The following PEX5L variants were observed in gnomAD, a reference collection of about 807,000 sequenced individuals.
PEX5L encodes peroxisomal biogenesis factor 5 like, also known as PEX5-related protein.
In PEX5L, 30 loss-of-function variants were observed where a neutral mutation model predicts 84.0. That is an observed-to-expected ratio of 0.36 (90% confidence interval 0.27 to 0.48). PEX5L has a LOEUF of 0.48. PEX5L is among the 20% of genes least tolerant of loss of function. The pLI is 0.99. For synonymous variants in PEX5L, 270 were observed against 283.1 expected (o/e 0.95, Z 0.46); for missense variants, 533 against 754.6 (o/e 0.71, Z 3.44).
chr3:179,945,353 T>A (rs1777224730), intron 2 of PEX5L, among the ~76,000 whole-genome samples: 1 of 152,184 alleles, frequency 6.6e-6, no homozygotes. Context: ...TTTGGAACAG[T>A]CATTAAGAGC....
chr3:179,821,305 CTT>C (rs1190747394), intron 8 of PEX5L, among the ~76,000 whole-genome samples: 1 of 152,164 alleles, frequency 6.6e-6, no homozygotes. Flanking sequence ...AATTCATACT[CTT>C]TACAAATTGC....
intron 2 of PEX5L, among the ~76,000 whole-genome samples, chr3:179,925,663 TACATA>T (rs1771226241): frequency 6.6e-6 from 1 of 152,254 alleles, no homozygotes; most frequent in Non-Finnish European, 1.5e-5. Flanking sequence ...TGAATAGTGC[TACATA>T]TTATGAAGGA....
intron 1 of PEX5L, among the ~76,000 whole-genome samples, chr3:180,017,244 C>T (rs112752209): frequency 2.3e-4 from 35 of 152,220 alleles, no homozygotes; most frequent in African/African-American, 7.5e-4. Flanking sequence ...CATCCCCAGA[C>T]GGAAATATCT....
intron 7 of PEX5L, among the ~76,000 whole-genome samples, 183 bp downstream of exon 7, chr3:179,874,144 T>TAC (rs1232911031): frequency 2.6e-5 from 4 of 151,806 alleles, no homozygotes; most frequent in Non-Finnish European, 5.9e-5. Context: ...TATATATATA[T>TAC]ATATACACAC....
chr3:179,914,173 A>G (rs1301006529), intron 2 of PEX5L, among the ~76,000 whole-genome samples: 1 of 152,218 alleles, frequency 6.6e-6, no homozygotes, highest in Non-Finnish European at 1.5e-5. Context: ...AGTTCCACAG[A>G]GGATAGTCCA....
intron 2 of PEX5L, among the ~76,000 whole-genome samples, chr3:179,954,197 C>A (rs1315367723): frequency 1.5e-5 from 1 of 66,470 alleles, no homozygotes; most frequent in Non-Finnish European, 2.8e-5. Flanking sequence ...AGAAATTAAC[C>A]ATTAGTCGGG....
At chr3:180,033,021 G>A (rs1446958644) in intron 1 of PEX5L, among the ~76,000 whole-genome samples, 1 of 152,122 alleles carries the variant, frequency 6.6e-6, no homozygotes, top group African/African-American at 2.4e-5. Context: ...CCTTCAATTG[G>A]TTTCTTATGT....
chr3:179,901,811 G>T (rs993956503), intron 2 of PEX5L: 1 of 152,138 alleles, frequency 6.6e-6, no homozygotes, highest in Non-Finnish European at 1.5e-5. Flanking sequence ...CTTTTTATTA[G>T]GTTCTATTAT....
intron 1 of PEX5L, among the ~76,000 whole-genome samples, chr3:179,991,518 C>T (rs573917075): frequency 1.6e-4 from 25 of 152,004 alleles, no homozygotes; most frequent in African/African-American, 5.5e-4. Flanking sequence ...TTTTTTTCCC[C>T]CTCTACTCAT....
chr3:179,872,526 A>G lies in PEX5L; in HGVS notation c.726+1801T>C, dbSNP rs188965682. ...TTGGAGACAATATAGAAAATTTTCT[A>G]AAGTATTTTGTCTTTGTTTAAAGTA... On this transcript the variant is annotated intron_variant, in intron 7 of 14. Transcript: ENST00000467460. Among the ~76,000 whole-genome samples the G allele has an allele frequency of 5.9e-5, 9 of 152,344 alleles. No individual in the cohort carries two copies. In the East Asian group the frequency reaches 1.3e-3, roughly 23 times the overall value.
intron 2 of PEX5L, among the ~76,000 whole-genome samples, chr3:179,954,840 T>A (rs1039747368): frequency 2.6e-5 from 4 of 152,140 alleles, no homozygotes; most frequent in Non-Finnish European, 4.4e-5. Context: ...CCTCTCAGGA[T>A]GCTGTCTGGC....
chr3:179,904,011 A>T (rs1042519554), intron 2 of PEX5L, among the ~76,000 whole-genome samples: 2 of 152,254 alleles, frequency 1.3e-5, no homozygotes, highest in Non-Finnish European at 2.9e-5. Context: ...TGTGGAATTT[A>T]CAATCCATGA....
intron 2 of PEX5L, among the ~76,000 whole-genome samples, chr3:179,949,539 A>G (rs1233575835): frequency 6.6e-6 from 1 of 152,202 alleles, no homozygotes; most frequent in East Asian, 1.9e-4. Flanking sequence ...ACTTTATATA[A>G]AACATCTGGT....
intron 1 of PEX5L, among the ~76,000 whole-genome samples, chr3:179,987,346 T>C (rs999945077): frequency 1.3e-5 from 2 of 151,570 alleles, no homozygotes; most frequent in Admixed American, 1.3e-4. Context: ...AAGGTTGAAT[T>C]AACAATGTGT....
chr3:179,885,322 C>T (rs1361943921), intron 4 of PEX5L, among the ~76,000 whole-genome samples: 2 of 152,112 alleles, frequency 1.3e-5, no homozygotes, highest in South Asian at 2.1e-4. Context: ...GGGTGGGCCC[C>T]TACTTTAATA....
intron 1 of PEX5L, among the ~76,000 whole-genome samples, chr3:180,001,425 C>A (rs1054016525): frequency 1.9e-4 from 29 of 150,142 alleles, no homozygotes; most frequent in Admixed American, 1.8e-3. Context: ...GACTTATACA[C>A]CCACCGTCTC....
Position 179,981,701 on chromosome 3 carries a change from A to G in PEX5L, c.22-10036T>C, listed in dbSNP as rs1377413987. 2.6e-5 allele frequency among the ~76,000 whole-genome samples: 4 copies of G among 152,308 alleles called. No homozygotes were observed. The East Asian group carries it at 7.7e-4, about 29-fold the overall frequency. Reference sequence around the variant, plus strand: ...AAACAAATAATGAGAGAAAGAGAGAAAAAAACTTGGGCTAACAGGAAAAAA... The same window carrying G: ...AAACAAATAATGAGAGAAAGAGAGAGAAAAACTTGGGCTAACAGGAAAAAA... On this transcript the variant is annotated intron_variant, in intron 1 of 14. Transcript: ENST00000467460.
intron 7 of PEX5L, among the ~76,000 whole-genome samples, chr3:179,870,971 G>A: frequency 6.6e-6 from 1 of 152,094 alleles, no homozygotes; most frequent in East Asian, 1.9e-4. Flanking sequence ...TTGTGATTCT[G>A]AAATACAATT....
intron 2 of PEX5L, among the ~76,000 whole-genome samples, chr3:179,941,993 C>A: frequency 7.7e-6 from 1 of 130,018 alleles, no homozygotes; most frequent in African/African-American, 2.9e-5. Flanking sequence ...TGCACTCCAA[C>A]CTGGGTGACA....
Sources: gnomAD v4.1 joint callset for allele counts (sites outside exome capture counted in the v4.1 genomes callset) on GRCh38, gnomAD v4.1.1 for gene constraint, MANE v1.5 for transcripts, NCBI Gene and HGNC (gene_info 2026-07-23, HGNC 2026-07-21) for gene names.